The following BRCA1 variants were observed in gnomAD, a reference collection of about 807,000 sequenced individuals.
BRCA1 encodes the protein BRCA1 DNA repair associated.
In BRCA1, 140 loss-of-function variants were observed where a neutral mutation model predicts 173.7. The ratio of observed to expected loss-of-function variants is 0.81; its 90% CI spans 0.70 to 0.93. The LOEUF is 0.93. Among genes scored for constraint, BRCA1 ranks in the 40% least tolerant of loss-of-function variants. BRCA1 has a pLI of 0.00. For missense variants in BRCA1, 1,983 were observed against 2,172.5 expected, an observed-to-expected ratio of 0.91 and a Z score of 1.73; for synonymous variants, 662 against 756.0, an observed-to-expected ratio of 0.88 and a Z score of 2.04.
Position 43,056,685 on chromosome 17 carries a change from A to AG in BRCA1, c.5277+366_5277+367insC, listed in dbSNP as rs912363334. Among the ~76,000 whole-genome samples, 7 of 151,502 alleles carry AG rather than the reference A, an allele frequency of 4.6e-5. No homozygotes were observed. The East Asian group carries it at 7.7e-4, about 17-fold the overall frequency. On this transcript the variant is annotated intron_variant, in intron 19 of 22. Coordinates refer to ENST00000357654, the MANE Select transcript of BRCA1 (RefSeq NM_007294.4). ...GAGACTCCGTCTTGGGAAAAAAAAA[A>AG]AGAGAGAGAGAGAGCAAGAGAGAGA...
intron 1 of BRCA1, among the ~76,000 whole-genome samples, chr17:43,135,501 C>T (rs1213227462): frequency 2.0e-5 from 3 of 152,254 alleles, no homozygotes; most frequent in Non-Finnish European, 2.9e-5. Flanking sequence ...ATTGAGCTAT[C>T]ATGTCATAAG....
At chr17:43,144,985 AG>A in intron 1 of BRCA1, 2 of 650,932 alleles carry the variant, frequency 3.1e-6, no homozygotes, top group South Asian at 2.9e-5. Context: ...GCTCCACCGA[AG>A]GGGCTGCCAT....
intron 1 of BRCA1, chr17:43,169,877 T>G: frequency 2.7e-6 from 1 of 372,714 alleles, no homozygotes; most frequent in Non-Finnish European, 5.3e-6. Flanking sequence ...GTCACGTTTT[T>G]TTCCCCCCCT....
At chr17:43,152,389 C>T (rs146149520) in intron 1 of BRCA1, among the ~76,000 whole-genome samples, 57 of 152,160 alleles carry the variant, frequency 3.7e-4, no homozygotes, top group Non-Finnish European at 6.2e-4. Flanking sequence ...TCTAGCAAGA[C>T]GTAGTAGAGA....
chr17:43,127,281 A>G (rs4793204), upstream of BRCA1, among the ~76,000 whole-genome samples: 48,224 of 152,182 alleles, frequency 0.32, 7,976 homozygotes, highest in South Asian at 0.49. Context: ...GGGACTTGGA[A>G]AACTTTTATG....
At chr17:43,085,204 T>C (rs1362031401) in intron 11 of BRCA1, among the ~76,000 whole-genome samples, 1 of 152,128 alleles carries the variant, frequency 6.6e-6, no homozygotes, top group Non-Finnish European at 1.5e-5. Context: ...TATCATGTCT[T>C]TTTCTTCCAT....
chr17:43,055,689 G>C (rs1220505163), intron 19 of BRCA1, among the ~76,000 whole-genome samples: 1 of 152,238 alleles, frequency 6.6e-6, no homozygotes, highest in Non-Finnish European at 1.5e-5. Context: ...GGGAGGCTAA[G>C]GCACGAGAAT....
At chr17:43,106,805 A>G (rs1165007322) in intron 3 of BRCA1, among the ~76,000 whole-genome samples, 1 of 152,238 alleles carries the variant, frequency 6.6e-6, no homozygotes, top group African/African-American at 2.4e-5. Flanking sequence ...AATAAAAGTT[A>G]ATATGGCATA....
intron 2 of BRCA1, chr17:43,119,405 A>C (rs1031406781): frequency 2.9e-4 from 67 of 227,360 alleles, no homozygotes; most frequent in Non-Finnish European, 7.0e-5. Context: ...AAAAACAATG[A>C]ACTAAGTCAG....
chr17:43,124,063 G>A lies in BRCA1; in HGVS notation c.34C>T (p.Gln12Ter), dbSNP rs80357134. 3 of 1,613,790 alleles carry A rather than the reference G, an allele frequency of 1.9e-6. No homozygotes were observed. Among genetic ancestry groups the A allele is most frequent in the East Asian group, 2.2e-5 (1 of 44,838 alleles). ...DLSALRVEEVQNVINAMQKIL... is the reference protein window; with the variant it reads ...DLSALRVEEV ...TTCTGCATAGCATTAATGACATTTT[G>A]TACTTCTTCAACGCGAAGAGCAGAT... The change falls in exon 2 of 23, where the codon CAA becomes TAA. Residue 12 changes from glutamine to a stop codon, truncating the protein, a stop_gained. Coordinates refer to ENST00000357654, the MANE Select transcript of BRCA1 (RefSeq NM_007294.4). LOFTEE classifies it high-confidence loss of function.
rs1283743055 is a variant in BRCA1, at chr17:43,097,296, A to C, written c.548-7T>G. ...TCTTCAGAAGAATCAGATCCTAAAAAATTTCCCCCCAAAAAATAAATCAAT... is the reference window on the plus strand; with the variant it reads ...TCTTCAGAAGAATCAGATCCTAAAACATTTCCCCCCAAAAAATAAATCAAT... On this transcript the variant is annotated splice_polypyrimidine_tract_variant and splice_region_variant and intron_variant, in intron 7 of 22. Transcript: ENST00000357654. 6.2e-7 allele frequency: 1 copy of C among 1,612,394 alleles called. No individual in the cohort carries two copies. Among genetic ancestry groups the C allele is most frequent in the Non-Finnish European group, 8.5e-7 (1 of 1,178,728 alleles).
upstream of BRCA1, among the ~76,000 whole-genome samples, chr17:43,129,468 C>CT (rs1468878441): frequency 1.3e-5 from 2 of 151,872 alleles, no homozygotes; most frequent in African/African-American, 4.8e-5. Context: ...AAGTGTGTTT[C>CT]TTTTTTTTCT....
At chr17:43,169,942 A>T (rs2056313477) in intron 1 of BRCA1, 1 of 464,278 alleles carries the variant, frequency 2.2e-6, no homozygotes, top group African/African-American at 2.0e-5. Context: ...TTTGCAAACA[A>T]GCCAGGCCAA....
chr17:43,159,848 TAAAA>T (rs2154581706), intron 1 of BRCA1: 1 of 156,232 alleles, frequency 6.4e-6, no homozygotes, highest in Non-Finnish European at 1.4e-5. Flanking sequence ...ATTAAAAAAA[TAAAA>T]AAATAAATAA....
chr17:43,071,355 A>C lies in BRCA1; in HGVS notation c.4676-117T>G. 2 of 1,156,408 alleles carry C rather than the reference A, an allele frequency of 1.7e-6. No individual in the cohort carries two copies. The highest frequency in any genetic ancestry group is 2.5e-6 in the Non-Finnish European group (2 of 795,496). The allele number at this position is 1,156,408 out of a possible 1,614,324, so 71.6% of individuals were successfully genotyped here. On this transcript the variant is annotated intron_variant, in intron 14 of 22. Transcript: ENST00000357654. ...GTTAGGTTAAGAGAAAAATGGGTAC[A>C]TGAATACAGTGTTGGTGGAAATCCA... is the stretch of plus-strand genomic sequence containing the variant.
chr17:43,103,180 T>G (rs887060638), intron 6 of BRCA1, among the ~76,000 whole-genome samples: 2 of 152,056 alleles, frequency 1.3e-5, no homozygotes, highest in Non-Finnish European at 2.9e-5. Context: ...AGAGCTCTCT[T>G]TTTTGGCCGG....
At chr17:43,129,818 C>T (rs2055950863), upstream of BRCA1, among the ~76,000 whole-genome samples, 1 of 152,276 alleles carries the variant, frequency 6.6e-6, no homozygotes, top group South Asian at 2.1e-4. Flanking sequence ...AGAATATCCG[C>T]TTTTGGCAGA....
chr17:43,074,744 T>C (rs1390398913), intron 13 of BRCA1, among the ~76,000 whole-genome samples: 1 of 152,054 alleles, frequency 6.6e-6, no homozygotes, highest in Non-Finnish European at 1.5e-5. Context: ...TGAGGCACCA[T>C]ATCTCCCAGC....
intron 1 of BRCA1, among the ~76,000 whole-genome samples, chr17:43,135,992 A>C (rs1029565788): frequency 1.1e-4 from 16 of 152,298 alleles, no homozygotes; most frequent in African/African-American, 3.9e-4. Flanking sequence ...AGTGAGCATA[A>C]AAGGGCTTAA....
Sources: allele counts gnomAD v4.1 joint callset (sites outside exome capture counted in the v4.1 genomes callset), GRCh38; gene constraint gnomAD v4.1.1; transcripts MANE v1.5; gene names NCBI Gene and HGNC (gene_info 2026-07-23, HGNC 2026-07-21).